Variants in HSH2D observed in about 807,000 individuals in gnomAD.
The protein encoded by HSH2D is hematopoietic SH2 domain-containing protein.
In HSH2D, 16 loss-of-function variants were observed where a neutral mutation model predicts 21.5. The observed-to-expected ratio is 0.74, with a 90% CI of 0.50 to 1.13. The LOEUF (loss-of-function observed/expected upper bound fraction) is 1.13, where lower values mean the gene tolerates loss of function less well. Among genes scored for constraint, HSH2D ranks in the 50% most tolerant of loss-of-function variants. HSH2D has a pLI of 0.00. For synonymous variants in HSH2D, 172 were observed against 184.7 expected (o/e 0.93, Z 0.56); for missense variants, 418 against 441.4 (o/e 0.95, Z 0.47).
At chr19:16,152,874 C>T (rs1394351046) in intron 3 of HSH2D, 169 bp from the exon 4 acceptor site, 1 of 840,180 alleles carries the variant, frequency 1.2e-6, no homozygotes, top group South Asian at 1.4e-5. Flanking sequence ...AACTGAGGCA[C>T]AGCGAGGTTA....
rs547179739 is a variant in HSH2D, at chr19:16,157,428, G to C, written c.693G>C (p.Ser231=). ...GCCACCTCGCCACTGTGAACTTGTC[G>C]TCACTCTTGGATGTCCGGAGATCCA... ...LKSHLATVNL[S]SLLDVRRSTV... The change falls in exon 6 of 6, where the codon TCG becomes TCC. Residue 231 remains serine (S), a synonymous_variant. Coordinates refer to ENST00000613986, the MANE Select transcript of HSH2D (RefSeq NM_001382417.1). This position sits in a 1 kb window ranked among gnomAD's most constrained non-coding sequence, Gnocchi z 4.4. The C allele has an allele frequency of 3.7e-5, 59 of 1,613,698 alleles. No individual in the cohort carries two copies. The highest frequency in any genetic ancestry group is 4.7e-5 in the Non-Finnish European group (55 of 1,179,862).
chr19:16,148,231 C>T (rs1325299702), intron 1 of HSH2D, among the ~76,000 whole-genome samples: 1 of 152,134 alleles, frequency 6.6e-6, no homozygotes, highest in East Asian at 1.9e-4. Context: ...TCACTGCAAC[C>T]TCTGCCCCCC....
upstream of HSH2D, chr19:16,143,678 C>A: frequency 2.3e-6 from 1 of 438,056 alleles, no homozygotes; most frequent in Non-Finnish European, 4.6e-6. Flanking sequence ...GCAGCCAGCC[C>A]CGCCCCATTG....
chr19:16,146,436 G>C (rs935301783), intron 1 of HSH2D, among the ~76,000 whole-genome samples: 1 of 152,168 alleles, frequency 6.6e-6, no homozygotes, highest in African/African-American at 2.4e-5. Context: ...AGTATGTTGG[G>C]AGGCTGAGGT....
intron 2 of HSH2D, chr19:16,151,508 G>A (rs996843723): frequency 4.4e-6 from 2 of 455,844 alleles, no homozygotes; most frequent in African/African-American, 4.0e-5. Flanking sequence ...AGGGAGAGAC[G>A]ATTGCCTGAG....
At chr19:16,139,054 C>T (rs919272020), upstream of HSH2D, among the ~76,000 whole-genome samples, 1 of 152,118 alleles carries the variant, frequency 6.6e-6, no homozygotes, top group African/African-American at 2.4e-5. Context: ...GACAGGGTTT[C>T]CCCATGTTGG....
chr19:16,138,336 G>T (rs73003598), intron 1 of HSH2D, among the ~76,000 whole-genome samples: 6,028 of 152,230 alleles, frequency 0.04, 185 homozygotes, highest in Middle Eastern at 0.075. Flanking sequence ...ACCACGTTTT[G>T]TTTACCCATT....
chr19:16,157,713 C>T lies in HSH2D; in HGVS notation c.978C>T (p.His326=). The change falls in exon 6 of 6, where the codon CAC becomes CAT. Residue 326 remains histidine (H), a synonymous_variant. Transcript: ENST00000613986. This position sits in a 1 kb window ranked among gnomAD's most constrained non-coding sequence, Gnocchi z 4.4. ...CCTCCCAGGAGTCCAAGCCAGAGCA[C>T]CAGGGCTTGGCAGAGCCTGAGAACG... ...ALSSQESKPE[H]QGLAEPENDQ... is the part of the protein sequence containing the mutation. 5 of 1,613,390 alleles carry T rather than the reference C, an allele frequency of 3.1e-6. No homozygotes were observed. The highest frequency in any genetic ancestry group is 4.2e-6 in the Non-Finnish European group (5 of 1,179,734).
intron 5 of HSH2D, among the ~76,000 whole-genome samples, chr19:16,156,663 T>C (rs1208229642): frequency 1.3e-5 from 2 of 152,026 alleles, no homozygotes; most frequent in African/African-American, 2.4e-5. Context: ...GCCTGCAAAG[T>C]TGAAATATTT....
upstream of HSH2D, chr19:16,142,045 C>G (rs868670069): frequency 6.6e-6 from 1 of 152,120 alleles, no homozygotes; most frequent in African/African-American, 2.4e-5. Context: ...ATGATCATAC[C>G]ACTGCACTCC....
chr19:16,149,640 G>A (rs967259966), intron 2 of HSH2D, among the ~76,000 whole-genome samples: 33 of 150,244 alleles, frequency 2.2e-4, no homozygotes, highest in Admixed American at 1.6e-3. Context: ...AGGCTGGTGT[G>A]TAGTGGCGCG....
chr19:16,142,682 C>A (rs560210428), upstream of HSH2D, among the ~76,000 whole-genome samples: 1 of 152,106 alleles, frequency 6.6e-6, no homozygotes, highest in African/African-American at 2.4e-5. Context: ...AGGCTGGTCG[C>A]GAACTCCTGA....
At chr19:16,145,474 C>T (rs1568328501) in intron 1 of HSH2D, among the ~76,000 whole-genome samples, 2 of 152,264 alleles carry the variant, frequency 1.3e-5, no homozygotes, top group Admixed American at 1.3e-4. Flanking sequence ...CAGGCTCTGA[C>T]AGTGCTGGGA....
intron 2 of HSH2D, among the ~76,000 whole-genome samples, chr19:16,149,129 G>A (rs1433797573): frequency 6.6e-6 from 1 of 152,056 alleles, no homozygotes; most frequent in East Asian, 1.9e-4. Flanking sequence ...GCACTGCCAG[G>A]GACCTGGCAG....
chr19:16,147,475 C>T (rs1309041240), intron 1 of HSH2D, among the ~76,000 whole-genome samples: 1 of 145,602 alleles, frequency 6.9e-6, no homozygotes, highest in Non-Finnish European at 1.5e-5. Flanking sequence ...CAGAGTGAGA[C>T]CCTGTCTCAA....
upstream of HSH2D, among the ~76,000 whole-genome samples, chr19:16,143,077 C>T (rs1020495206): frequency 2.0e-5 from 3 of 151,840 alleles, no homozygotes; most frequent in Non-Finnish European, 4.4e-5. Context: ...TTTCTGTTCC[C>T]CCTTTGTTGC....
At chr19:16,155,460 A>G (rs2091224759) in intron 5 of HSH2D, among the ~76,000 whole-genome samples, 2 of 152,020 alleles carry the variant, frequency 1.3e-5, no homozygotes, top group African/African-American at 2.4e-5. Context: ...AAGCCAGCAT[A>G]TAGATGGATT....
chr19:16,138,085 C>G (rs2090976225), intron 1 of HSH2D, among the ~76,000 whole-genome samples: 1 of 152,002 alleles, frequency 6.6e-6, no homozygotes, highest in African/African-American at 2.4e-5. Flanking sequence ...CCAGGCTAGT[C>G]TCAAACTCTT....
upstream of HSH2D, among the ~76,000 whole-genome samples, chr19:16,140,683 A>G (rs932046120): frequency 6.6e-6 from 1 of 151,850 alleles, no homozygotes; most frequent in Non-Finnish European, 1.5e-5. Flanking sequence ...GGATCACTTG[A>G]ACGAGACCAA....
Sources: allele counts gnomAD v4.1 joint callset (sites outside exome capture counted in the v4.1 genomes callset), GRCh38; gene constraint gnomAD v4.1.1; non-coding constraint Gnocchi (gnomAD v3.1); transcripts MANE v1.5; gene names NCBI Gene and HGNC (gene_info 2026-07-23, HGNC 2026-07-21).